The following MTRF1L variants were observed in gnomAD, a reference collection of about 807,000 sequenced individuals.
MTRF1L encodes mitochondrial translation release factor 1 like, also known as peptide chain release factor 1-like, mitochondrial.
In MTRF1L, 29 loss-of-function variants were observed where a neutral mutation model predicts 40.0. The ratio of observed to expected loss-of-function variants is 0.73; its 90% CI spans 0.54 to 0.99. The LOEUF is 0.99. MTRF1L is among the 50% of genes least tolerant of loss of function. MTRF1L has a pLI of 0.00. For missense variants in MTRF1L, 412 were observed against 464.5 expected (o/e 0.89, Z 1.04); for synonymous variants, 150 against 175.8 (o/e 0.85, Z 1.16).
intron 2 of MTRF1L, among the ~76,000 whole-genome samples, chr6:152,996,929 T>C (rs954054613): frequency 3.0e-4 from 45 of 152,208 alleles, no homozygotes; most frequent in African/African-American, 1.1e-3. Context: ...AATAAACTCG[T>C]GCTAACTTGT....
chr6:153,001,549 C>T (rs142252754), intron 1 of MTRF1L, among the ~76,000 whole-genome samples: 44 of 152,252 alleles, frequency 2.9e-4, no homozygotes, highest in Non-Finnish European at 1.8e-4. Context: ...CAAAACTCAT[C>T]TTTTTAAAAA....
chr6:152,996,778 G>A (rs745469702), intron 2 of MTRF1L, among the ~76,000 whole-genome samples: 18 of 152,058 alleles, frequency 1.2e-4, no homozygotes, highest in Non-Finnish European at 2.1e-4. Context: ...TCTTAAAATC[G>A]TGAGGGCTTA....
At chr6:152,990,972 G>C (rs186230647) in intron 6 of MTRF1L, among the ~76,000 whole-genome samples, 1 of 152,110 alleles carries the variant, frequency 6.6e-6, no homozygotes, top group South Asian at 2.1e-4. Context: ...TTTATTTTTA[G>C]TAACGGATTA....
chr6:153,001,898 A>G (rs1167370299), intron 1 of MTRF1L, among the ~76,000 whole-genome samples: 1 of 152,248 alleles, frequency 6.6e-6, no homozygotes, highest in African/African-American at 2.4e-5. Context: ...ATGGTCTATA[A>G]AAAATAAATC....
chr6:153,002,323 CAAGT>C (rs1363920745), intron 1 of MTRF1L, 100 bp downstream of exon 1: 2 of 1,554,008 alleles, frequency 1.3e-6, no homozygotes, highest in African/African-American at 1.4e-5. Flanking sequence ...AAAACGGCTG[CAAGT>C]GAGTAAAGAG....
intron 5 of MTRF1L, among the ~76,000 whole-genome samples, chr6:152,992,297 C>T (rs79712794): frequency 6.6e-6 from 1 of 152,144 alleles, no homozygotes; most frequent in African/African-American, 2.4e-5. Flanking sequence ...ACGTTTAGTT[C>T]GAGCTACAGT....
rs575123074 is a variant in MTRF1L at position 152,994,267 on chromosome 6, AGAT to A, written c.687+243_687+245del. Among the ~76,000 whole-genome samples, 303 of 152,338 alleles carry A rather than the reference AGAT, an allele frequency of 2.0e-3. 3 individuals are homozygous for A. Among genetic ancestry groups the A allele is most frequent in the Admixed American group, 2.4e-3 (37 of 15,308 alleles). ...AAATAGGTTATTATTTCACCCACAG[AGAT>A]GATCTCACAATAACTACTTATTAGG... On this transcript the variant is annotated intron_variant, in intron 4 of 6. Transcript: ENST00000367233.
chr6:153,001,243 C>T (rs571791797), intron 1 of MTRF1L, among the ~76,000 whole-genome samples: 11 of 152,288 alleles, frequency 7.2e-5, no homozygotes, highest in African/African-American at 2.6e-4. Flanking sequence ...TTCAGGGTCA[C>T]AAAGCTCTGG....
chr6:153,002,613 G>C lies in MTRF1L; in HGVS notation c.73C>G (p.Pro25Ala), dbSNP rs1778973406. The change falls in exon 1 of 7, where the codon CCC (proline) becomes GCC (alanine). Residue 25 changes from proline (P) to alanine (A), a missense_variant. By Grantham distance (27) the Pro-to-Ala change is conservative. Transcript: ENST00000367233. ...AGCGGCGGGCTACCGGAGCTCAGGG[G>C]CCGGCGGGCTGGGCCAACGGCCCGG... The part of the protein sequence containing the change: ...PRRAVGPARR[P>A]LSSGSPPLEE... 2 of 1,542,212 alleles carry C rather than the reference G, an allele frequency of 1.3e-6. No individual in the cohort carries two copies. The highest frequency in any genetic ancestry group is 2.0e-5 in the Admixed American group (1 of 48,958).
At chr6:152,991,539 G>T in intron 5 of MTRF1L, 1 of 419,462 alleles carries the variant, frequency 2.4e-6, no homozygotes, top group Non-Finnish European at 4.0e-6. Flanking sequence ...ATAGCACAAA[G>T]TCTTTCTTTC....
At chr6:152,992,042 A>G (rs998639604) in intron 5 of MTRF1L, among the ~76,000 whole-genome samples, 3 of 152,220 alleles carry the variant, frequency 2.0e-5, no homozygotes, top group African/African-American at 7.2e-5. Flanking sequence ...TTTTCCCCCA[A>G]TTTTTGTTTC....
At chr6:152,998,448 T>A (rs1476304171) in intron 2 of MTRF1L, 102 bp downstream of exon 2, 2 of 843,308 alleles carry the variant, frequency 2.4e-6, no homozygotes, top group Non-Finnish European at 3.4e-6. Context: ...ACCCAGTTTA[T>A]TCTAAACAGT....
intron 4 of MTRF1L, among the ~76,000 whole-genome samples, chr6:152,993,617 A>G (rs1310046113): frequency 6.6e-6 from 1 of 152,136 alleles, no homozygotes; most frequent in Non-Finnish European, 1.5e-5. Flanking sequence ...TTCTACCTCT[A>G]TGTCTCCCTG....
chr6:152,991,172 ATT>A lies in MTRF1L; in HGVS notation c.942+11_942+12del, dbSNP rs760715765. ...TCTATCCTTTAAAAGCATTTTTAAA[ATT>A]CTTTTTTTACCTGAATTTTTCTAGC... is the stretch of plus-strand genomic sequence containing the variant. On this transcript the variant is annotated intron_variant, in intron 6 of 6. Coordinates refer to ENST00000367233, the MANE Select transcript of MTRF1L (RefSeq NM_019041.7). 18 of 1,468,872 alleles carry A rather than the reference ATT, an allele frequency of 1.2e-5. No homozygotes were observed. In the East Asian group the frequency reaches 3.2e-4, roughly 26 times the overall value. 91.0% of individuals were successfully genotyped at this position (1,468,872 alleles called of 1,614,324 possible).
intron 1 of MTRF1L, 96 bp from the exon 2 acceptor site, chr6:152,998,725 G>C (rs1778806042): frequency 2.8e-6 from 2 of 715,092 alleles, no homozygotes; most frequent in Admixed American, 7.7e-5. Flanking sequence ...TATAGCTGAA[G>C]GGAAAAATAA....
rs3818125 is a variant in MTRF1L, at chr6:153,002,574, T to C, written c.112A>G (p.Thr38Ala). ...SGSPPLEELF[T>A]RGGPLRTFLE... is the part of the protein sequence containing the mutation. Reference sequence around the variant, plus strand: ...AAGGTCCGCAAGGGCCCGCCCCGGGTGAACAGCTCCTCCAGCGGCGGGCTA... The same window carrying C: ...AAGGTCCGCAAGGGCCCGCCCCGGGCGAACAGCTCCTCCAGCGGCGGGCTA... The change falls in exon 1 of 7, where the codon ACC becomes GCC. Residue 38 changes from threonine (T) to alanine (A), a missense_variant. Transcript: ENST00000367233. The C allele has an allele frequency of 0.69, 1,062,653 of 1,549,250 alleles. 366,856 individuals are homozygous for C. Among genetic ancestry groups the C allele is most frequent in the Admixed American group, 0.74 (38,608 of 51,928 alleles).
chr6:152,991,585 C>T (rs1006158267), intron 5 of MTRF1L, among the ~76,000 whole-genome samples: 3 of 152,162 alleles, frequency 2.0e-5, no homozygotes, highest in African/African-American at 4.8e-5. Context: ...CTCGCTCTGT[C>T]GCCCAGGCTG....
rs1019668173 is a variant in MTRF1L, at chr6:152,994,914, T to G, written c.523+222A>C. ...ATCAGTAACACATCTAAGACTACTT[T>G]TAAAGACTGTTAGCAATTTGATGGT... On this transcript the variant is annotated intron_variant, in intron 3 of 6. Coordinates refer to ENST00000367233, the MANE Select transcript of MTRF1L (RefSeq NM_019041.7). 8 of 706,436 alleles carry G rather than the reference T, an allele frequency of 1.1e-5. No individual in the cohort carries two copies. The Admixed American group carries it at 2.4e-4, about 21-fold the overall frequency. The allele number at this position is 706,436 out of a possible 1,614,324, so 43.8% of individuals were successfully genotyped here. A position where few individuals can be genotyped will look rare whatever the true frequency, so the allele number is the denominator to read the frequency against.
intron 6 of MTRF1L, 69 bp downstream of exon 6, chr6:152,991,116 T>G: frequency 9.0e-7 from 1 of 1,107,350 alleles, no homozygotes; most frequent in South Asian, 1.7e-5. Context: ...AACCAAGTTA[T>G]TTAAAAAAAG....
Sources: gnomAD v4.1 joint callset for allele counts (sites outside exome capture counted in the v4.1 genomes callset) on GRCh38, gnomAD v4.1.1 for gene constraint, MANE v1.5 for transcripts, NCBI Gene and HGNC (gene_info 2026-07-23, HGNC 2026-07-21) for gene names.